FGGY: variants seen among roughly 807,000 people sequenced by gnomAD.
FGGY encodes FGGY carbohydrate kinase domain-containing protein.
FGGY carries 72 observed loss-of-function variants against 71.3 expected under a neutral mutation model. The ratio of observed to expected loss-of-function variants is 1.01; its 90% CI spans 0.84 to 1.23. The LOEUF (loss-of-function observed/expected upper bound fraction) is 1.23. Among genes scored for constraint, FGGY ranks in the 50% most tolerant of loss-of-function variants. The pLI is 0.00. For synonymous variants in FGGY, 251 were observed against 250.3 expected (o/e 1.00, Z -0.02); for missense variants, 668 against 682.3 (o/e 0.98, Z 0.23).
chr1:59,388,914 A>G (rs1031480556), intron 5 of FGGY, among the ~76,000 whole-genome samples: 1 of 152,122 alleles, frequency 6.6e-6, no homozygotes, highest in Non-Finnish European at 1.5e-5. Context: ...GGAAGCTGCT[A>G]CTATTAAATA....
intron 2 of FGGY, among the ~76,000 whole-genome samples, chr1:59,338,275 A>T (rs771040084): frequency 1.3e-5 from 2 of 152,134 alleles, no homozygotes; most frequent in African/African-American, 4.8e-5. Flanking sequence ...TATGTTCATG[A>T]TAAATATTAG....
chr1:59,530,627 G>C (rs1004120189), intron 7 of FGGY, among the ~76,000 whole-genome samples: 1 of 152,176 alleles, frequency 6.6e-6, no homozygotes, highest in Admixed American at 6.5e-5. Context: ...GAATTGGAGG[G>C]AGAAATAGGA....
At chr1:59,669,873 A>T (rs1019900115) in intron 13 of FGGY, among the ~76,000 whole-genome samples, 1 of 152,202 alleles carries the variant, frequency 6.6e-6, no homozygotes. Context: ...GACTTTGTGA[A>T]AATGGGTCAT....
At chr1:59,599,119 T>G (rs2096551447) in intron 8 of FGGY, among the ~76,000 whole-genome samples, 1 of 148,576 alleles carries the variant, frequency 6.7e-6, no homozygotes, top group African/African-American at 2.4e-5. Flanking sequence ...TTTGTTTGTT[T>G]TTGAGACGGA....
intron 8 of FGGY, among the ~76,000 whole-genome samples, chr1:59,599,423 A>C (rs2096555045): frequency 6.6e-6 from 1 of 151,838 alleles, no homozygotes. Flanking sequence ...GGCTGGGTGC[A>C]GTGGCTCATG....
rs567703710 is a variant in FGGY, at chr1:59,573,825, T to C, written c.903+19598T>C. The stretch of plus-strand genomic sequence containing the variant: ...TTCATCTTTCCAGTAATAAAAGCTA[T>C]ATAATGGATTACATTTTTCTTCTGG... On this transcript the variant is annotated intron_variant, in intron 8 of 15. Transcript: ENST00000303721. Among the ~76,000 whole-genome samples, 6 of 152,318 alleles carry C rather than the reference T, an allele frequency of 3.9e-5. No homozygotes were observed. The South Asian group carries it at 1.2e-3, about 32-fold the overall frequency.
At chr1:59,573,465 C>G (rs959899703) in intron 8 of FGGY, among the ~76,000 whole-genome samples, 1 of 151,678 alleles carries the variant, frequency 6.6e-6, no homozygotes, top group East Asian at 1.9e-4. Flanking sequence ...TATATATGTT[C>G]ATATATATAC....
At chr1:59,483,865 T>A (rs1426607050) in intron 6 of FGGY, among the ~76,000 whole-genome samples, 4 of 152,074 alleles carry the variant, frequency 2.6e-5, no homozygotes, top group Non-Finnish European at 5.9e-5. Flanking sequence ...CCCCTTCTCC[T>A]AACAGTTTGG....
At chr1:59,557,225 C>A (rs2095704428) in intron 8 of FGGY, among the ~76,000 whole-genome samples, 1 of 152,158 alleles carries the variant, frequency 6.6e-6, no homozygotes, top group African/African-American at 2.4e-5. Flanking sequence ...ATTAACCAAA[C>A]AGAACACAGG....
intron 14 of FGGY, among the ~76,000 whole-genome samples, chr1:59,742,120 C>A (rs1224725690): frequency 6.6e-6 from 1 of 152,104 alleles, no homozygotes; most frequent in East Asian, 1.9e-4. Context: ...AAAGTAAAAT[C>A]CCTTCTTCTG....
chr1:59,562,638 G>A (rs959934534), intron 8 of FGGY, among the ~76,000 whole-genome samples: 2 of 152,160 alleles, frequency 1.3e-5, no homozygotes, highest in African/African-American at 4.8e-5. Flanking sequence ...TACCAGAAAC[G>A]AATGCAAACT....
intron 11 of FGGY, among the ~76,000 whole-genome samples, chr1:59,652,939 T>C (rs1179302498): frequency 6.6e-6 from 1 of 152,208 alleles, no homozygotes; most frequent in Non-Finnish European, 1.5e-5. Flanking sequence ...TCGGTGTGGA[T>C]GTCCTTTCTG....
Position 59,510,361 on chromosome 1 carries a change from C to T in FGGY, c.671-1950C>T, listed in dbSNP as rs115913710. 2.9e-3 allele frequency among the ~76,000 whole-genome samples: 435 copies of T among 152,308 alleles called. 3 individuals are homozygous for T. Among genetic ancestry groups the T allele is most frequent in the African/African-American group, 0.01 (417 of 41,576 alleles). ...GAAAATGCATGCTATGTCCTTAGTG[C>T]AGTCCCTAGCATGAAAGTGCTCAGC... On this transcript the variant is annotated intron_variant, in intron 6 of 15. Coordinates refer to ENST00000303721, the MANE Select transcript of FGGY (RefSeq NM_018291.5).
chr1:59,512,484 G>A (rs377534202), intron 7 of FGGY, 45 bp downstream of exon 7: 130 of 1,594,664 alleles, frequency 8.2e-5, no homozygotes, highest in Non-Finnish European at 1.1e-4. Flanking sequence ...TATTCAAATG[G>A]AATATTCCCT....
intron 14 of FGGY, among the ~76,000 whole-genome samples, chr1:59,751,031 G>A (rs1029663124): frequency 1.3e-5 from 2 of 152,150 alleles, no homozygotes; most frequent in African/African-American, 4.8e-5. Flanking sequence ...CCAGCCTAGG[G>A]CACTCAAGAA....
At chr1:59,475,408 A>G (rs2093213484) in intron 6 of FGGY, among the ~76,000 whole-genome samples, 1 of 152,260 alleles carries the variant, frequency 6.6e-6, no homozygotes. Context: ...ACAATTAACT[A>G]GTTAATTAAT....
At chr1:59,533,928 C>T (rs1338152994) in intron 7 of FGGY, among the ~76,000 whole-genome samples, 1 of 152,216 alleles carries the variant, frequency 6.6e-6, no homozygotes, top group Non-Finnish European at 1.5e-5. Flanking sequence ...GAGCGCCTCT[C>T]CTCCTCCAAA....
chr1:59,548,842 A>AC (rs761007228), intron 7 of FGGY, among the ~76,000 whole-genome samples: 1 of 152,182 alleles, frequency 6.6e-6, no homozygotes, highest in Non-Finnish European at 1.5e-5. Context: ...TGTTATGGGT[A>AC]CTTTACACCT....
chr1:59,321,035 T>C (rs924796823), intron 1 of FGGY, among the ~76,000 whole-genome samples: 2 of 152,132 alleles, frequency 1.3e-5, no homozygotes, highest in Non-Finnish European at 2.9e-5. Context: ...CCTTCTAGAG[T>C]CATAGTGAGG....
Sources: gnomAD v4.1 joint callset for allele counts (sites outside exome capture counted in the v4.1 genomes callset) on GRCh38, gnomAD v4.1.1 for gene constraint, MANE v1.5 for transcripts, NCBI Gene and HGNC (gene_info 2026-07-23, HGNC 2026-07-21) for gene names.